The following JARID2 variants were observed in gnomAD, a reference collection of about 807,000 sequenced individuals.
The protein encoded by JARID2 is jumonji and AT-rich interaction domain containing 2.
In JARID2, 21 loss-of-function variants were observed where a neutral mutation model predicts 125.6. That is an observed-to-expected ratio of 0.17 (90% CI 0.12 to 0.24). JARID2 has a LOEUF of 0.24. Ranked by LOEUF, JARID2 falls within the 10% of genes least tolerant of loss-of-function variation. The pLI, the probability that JARID2 is intolerant of heterozygous loss-of-function variation, is 1.00. For synonymous variants in JARID2, 736 were observed against 661.6 expected (o/e 1.11, Z -1.73); for missense variants, 1,303 against 1,639.6 (o/e 0.79, Z 3.55).
chr6:15,472,123 G>C (rs1352041831), intron 5 of JARID2, among the ~76,000 whole-genome samples: 3 of 151,290 alleles, frequency 2.0e-5, no homozygotes, highest in African/African-American at 7.3e-5. Flanking sequence ...CTCTCGGTGA[G>C]GGGCTGGTAG....
intron 2 of JARID2, among the ~76,000 whole-genome samples, chr6:15,392,543 C>T (rs1403222884): frequency 6.6e-6 from 1 of 152,036 alleles, no homozygotes; most frequent in African/African-American, 2.4e-5. Context: ...TCAGCATGGT[C>T]AGCAGTATAG....
intron 3 of JARID2, among the ~76,000 whole-genome samples, chr6:15,413,746 A>G (rs182920589): frequency 6.6e-6 from 1 of 152,276 alleles, no homozygotes; most frequent in Admixed American, 6.5e-5. Flanking sequence ...AGCTGGGACT[A>G]CAGTCAGTCA....
At chr6:15,409,700 C>G (rs1351409363) in intron 2 of JARID2, among the ~76,000 whole-genome samples, 2 of 152,192 alleles carry the variant, frequency 1.3e-5, no homozygotes, top group Non-Finnish European at 2.9e-5. Context: ...CGGTTACAAT[C>G]TAATCTTGTA....
intron 1 of JARID2, among the ~76,000 whole-genome samples, chr6:15,321,538 T>C (rs1477174015): frequency 6.6e-6 from 1 of 152,184 alleles, no homozygotes; most frequent in Non-Finnish European, 1.5e-5. Context: ...GAAATCAAGA[T>C]CTCTATTCAG....
chr6:15,440,619 G>C (rs1767404718), intron 3 of JARID2, among the ~76,000 whole-genome samples: 1 of 152,186 alleles, frequency 6.6e-6, no homozygotes. Context: ...CATTGGCACA[G>C]TTTCTTTGGG....
At chr6:15,451,931 A>G in intron 3 of JARID2, 75 bp from the exon 4 acceptor site, 1 of 1,422,834 alleles carries the variant, frequency 7.0e-7, no homozygotes, top group Non-Finnish European at 9.5e-7. Context: ...ATGTGTCATG[A>G]TTTTATTGCC....
chr6:15,455,684 A>C (rs1205183998), intron 4 of JARID2, among the ~76,000 whole-genome samples: 1 of 151,834 alleles, frequency 6.6e-6, no homozygotes, highest in Non-Finnish European at 1.5e-5. Context: ...GGCGCCCACC[A>C]CTACGCCTGG....
chr6:15,512,074 G>A lies in JARID2; in HGVS notation c.2953-134G>A, dbSNP rs1036373464. ...AGCTCCTTCTTGTGTTATGAATGAC[G>A]TCTTTTTATTTTCCACATAAAACAA... On this transcript the variant is annotated intron_variant, in intron 13 of 17. Transcript: ENST00000341776. 4.2e-5 allele frequency: 30 copies of A among 717,202 alleles called. No individual in the cohort carries two copies. In the Admixed American group the frequency reaches 4.4e-4, roughly 10 times the overall value. 44.4% of individuals were successfully genotyped at this position (717,202 alleles called of 1,614,324 possible). A position where few individuals can be genotyped will look rare whatever the true frequency, so the allele number is the denominator to read the frequency against.
chr6:15,517,086 C>T (rs765883184), intron 16 of JARID2, 75 bp from the exon 17 acceptor site: 298 of 1,090,218 alleles, frequency 2.7e-4, no homozygotes, highest in Non-Finnish European at 3.9e-4. Context: ...CCCGGCCGGG[C>T]GTGCTCCTAC....
chr6:15,515,167 G>A (rs1027161252), intron 16 of JARID2, among the ~76,000 whole-genome samples: 2 of 151,840 alleles, frequency 1.3e-5, no homozygotes, highest in Non-Finnish European at 2.9e-5. Context: ...AGCCTCCTGA[G>A]TAGCTGGGAC....
At chr6:15,449,892 A>G (rs749664291) in intron 3 of JARID2, among the ~76,000 whole-genome samples, 2 of 152,230 alleles carry the variant, frequency 1.3e-5, no homozygotes, top group Non-Finnish European at 2.9e-5. Flanking sequence ...ATTTAAGGTT[A>G]AAATGAGATT....
intron 1 of JARID2, among the ~76,000 whole-genome samples, chr6:15,281,576 TG>T (rs986602607): frequency 1.3e-5 from 2 of 152,154 alleles, no homozygotes; most frequent in Admixed American, 6.6e-5. Context: ...GTTCCCCGCG[TG>T]GGGGGCCCCC....
At chr6:15,347,336 G>A (rs1367817955) in intron 1 of JARID2, among the ~76,000 whole-genome samples, 1 of 152,124 alleles carries the variant, frequency 6.6e-6, no homozygotes, top group Non-Finnish European at 1.5e-5. Flanking sequence ...GAATGTGTGT[G>A]GGGAGGTGGT....
chr6:15,394,685 A>G (rs528855293), intron 2 of JARID2, among the ~76,000 whole-genome samples: 7 of 152,346 alleles, frequency 4.6e-5, no homozygotes, highest in African/African-American at 1.4e-4. Context: ...ATGTTTTGAA[A>G]TTGTACTGGA....
At chr6:15,258,909 G>A (rs554587980) in intron 1 of JARID2, among the ~76,000 whole-genome samples, 4 of 152,344 alleles carry the variant, frequency 2.6e-5, no homozygotes, top group African/African-American at 9.6e-5. Flanking sequence ...TGGGTCATCT[G>A]TGCTGATTAT....
At position 15,344,535 on chromosome 6, in the gene JARID2, C is replaced by CT. The variant is rs58040233; in HGVS notation, c.46-29569dup. 2.3e-3 allele frequency among the ~76,000 whole-genome samples: 334 copies of CT among 144,842 alleles called. 3 individuals carry two copies. Among genetic ancestry groups the CT allele is most frequent in the African/African-American group, 5.9e-3 (237 of 39,922 alleles). ...GTTCACCCATTTAAAGTGTACAATTCTTTTTTTTTTTTTAACTGTTAGGTT... is the reference window on the plus strand; with the variant it reads ...GTTCACCCATTTAAAGTGTACAATTCTTTTTTTTTTTTTTAACTGTTAGGTT... On this transcript the variant is annotated intron_variant, in intron 1 of 17. Transcript: ENST00000341776.
At chr6:15,295,496 C>T (rs1011060720) in intron 1 of JARID2, among the ~76,000 whole-genome samples, 7 of 152,084 alleles carry the variant, frequency 4.6e-5, no homozygotes, top group African/African-American at 1.7e-4. Context: ...GCCATTTCAA[C>T]GGAAAACAGT....
intron 1 of JARID2, among the ~76,000 whole-genome samples, chr6:15,251,847 G>A (rs1370680089): frequency 2.0e-5 from 3 of 152,020 alleles, no homozygotes; most frequent in African/African-American, 7.2e-5. Flanking sequence ...GCATGGTGGC[G>A]CATGCCTGTA....
intron 1 of JARID2, among the ~76,000 whole-genome samples, chr6:15,334,474 A>C (rs1019400776): frequency 2.0e-5 from 3 of 152,170 alleles, no homozygotes; most frequent in Non-Finnish European, 2.9e-5. Flanking sequence ...TTTTCCATTC[A>C]TTCCCTGCCA....
Sources: gnomAD v4.1 joint callset for allele counts (sites outside exome capture counted in the v4.1 genomes callset) on GRCh38, gnomAD v4.1.1 for gene constraint, MANE v1.5 for transcripts, NCBI Gene and HGNC (gene_info 2026-07-23, HGNC 2026-07-21) for gene names.